RBFOX1: variants seen among roughly 807,000 people sequenced by gnomAD.
The protein encoded by RBFOX1 is RNA binding fox-1 homolog 1, also known as RNA binding protein fox-1 homolog 1.
RBFOX1 carries 8 observed loss-of-function variants against 57.7 expected under a neutral mutation model. The ratio of observed to expected loss-of-function variants is 0.14; its 90% CI spans 0.08 to 0.25. The LOEUF (loss-of-function observed/expected upper bound fraction) is 0.25. Ranked by LOEUF, RBFOX1 falls within the 10% of genes least tolerant of loss-of-function variation. RBFOX1 has a pLI of 1.00. For missense variants in RBFOX1, 611 were observed against 548.5 expected (o/e 1.11, Z -1.14); for synonymous variants, 326 against 222.4 (o/e 1.47, Z -4.15).
At position 7,162,889 on chromosome 16, in the gene RBFOX1, C is replaced by A. The variant is rs1411146180; in HGVS notation, c.27+110791C>A. 2.6e-5 allele frequency among the ~76,000 whole-genome samples: 4 copies of A among 152,174 alleles called. No homozygotes were observed. In the East Asian group the frequency reaches 7.7e-4, roughly 29 times the overall value. The stretch of plus-strand genomic sequence containing the variant: ...CAGTGTGGGGTATTCCCTGGTCCTC[C>A]TTCCAAATGCATGTTGAAATGAAGA... On this transcript the variant is annotated intron_variant, in intron 4 of 15. Coordinates refer to ENST00000550418, the MANE Select transcript of RBFOX1 (RefSeq NM_018723.4).
At chr16:5,886,932 C>T (rs750955043) in intron 4 of RBFOX1, among the ~76,000 whole-genome samples, 2 of 151,454 alleles carry the variant, frequency 1.3e-5, no homozygotes, top group African/African-American at 4.8e-5. Context: ...GTCCTATGAC[C>T]AGTCATTCCC....
intron 4 of RBFOX1, among the ~76,000 whole-genome samples, chr16:7,233,699 A>G (rs1218304415): frequency 6.6e-6 from 1 of 152,216 alleles, no homozygotes; most frequent in Non-Finnish European, 1.5e-5. Flanking sequence ...GGCCCCATGA[A>G]CTTCCAACTC....
chr16:5,581,717 C>G (rs1173406298), intron 2 of RBFOX1, among the ~76,000 whole-genome samples: 1 of 152,096 alleles, frequency 6.6e-6, no homozygotes, highest in Middle Eastern at 3.2e-3. Flanking sequence ...ACAGCTGATG[C>G]AAGGGTCAAA....
At chr16:7,352,208 A>G (rs959574222) in intron 4 of RBFOX1, among the ~76,000 whole-genome samples, 1 of 152,144 alleles carries the variant, frequency 6.6e-6, no homozygotes, top group Non-Finnish European at 1.5e-5. Flanking sequence ...TTTGAGGTGG[A>G]AAACATTTTT....
At chr16:6,981,576 C>T (rs1463694734) in intron 3 of RBFOX1, among the ~76,000 whole-genome samples, 2 of 152,112 alleles carry the variant, frequency 1.3e-5, no homozygotes, top group Admixed American at 1.3e-4. Flanking sequence ...CTGACAGTTC[C>T]ACGTGGCTGG....
At chr16:5,737,017 C>G (rs927255659) in intron 3 of RBFOX1, among the ~76,000 whole-genome samples, 1 of 151,652 alleles carries the variant, frequency 6.6e-6, no homozygotes, top group Non-Finnish European at 1.5e-5. Flanking sequence ...CTCTTTCCCT[C>G]AAGCACCTCC....
At chr16:5,930,181 A>G (rs895389549) in intron 4 of RBFOX1, among the ~76,000 whole-genome samples, 1 of 149,554 alleles carries the variant, frequency 6.7e-6, no homozygotes, top group African/African-American at 2.5e-5. Flanking sequence ...ACTCAACACC[A>G]AATAGCTTAA....
chr16:6,895,237 A>G (rs2066472225), intron 3 of RBFOX1, among the ~76,000 whole-genome samples: 1 of 151,808 alleles, frequency 6.6e-6, no homozygotes, highest in Admixed American at 6.6e-5. Context: ...GACCAAATGT[A>G]TATCCCAAAT....
intron 3 of RBFOX1, among the ~76,000 whole-genome samples, chr16:5,659,149 C>T (rs540986884): frequency 1.3e-5 from 2 of 152,156 alleles, no homozygotes; most frequent in African/African-American, 2.4e-5. Flanking sequence ...TCCCTGTTCA[C>T]CGCATCCATG....
chr16:5,540,791 T>G (rs1037450283), intron 2 of RBFOX1, among the ~76,000 whole-genome samples: 4 of 152,184 alleles, frequency 2.6e-5, no homozygotes, highest in African/African-American at 9.6e-5. Context: ...CTTTTTGGAG[T>G]GCAGAATCTC....
At chr16:6,497,065 G>A (rs969406699) in intron 2 of RBFOX1, among the ~76,000 whole-genome samples, 2 of 152,210 alleles carry the variant, frequency 1.3e-5, no homozygotes, top group African/African-American at 4.8e-5. Context: ...AACCTCTTAG[G>A]TAGCATAAGA....
At chr16:7,396,582 C>A (rs1166865613) in intron 4 of RBFOX1, among the ~76,000 whole-genome samples, 1 of 152,150 alleles carries the variant, frequency 6.6e-6, no homozygotes, top group South Asian at 2.1e-4. Context: ...CTTAACGTTA[C>A]TTTAAGCTCA....
At chr16:5,621,762 C>G (rs1165147455) in intron 3 of RBFOX1, among the ~76,000 whole-genome samples, 1 of 152,232 alleles carries the variant, frequency 6.6e-6, no homozygotes, top group African/African-American at 2.4e-5. Context: ...GTCATTAACT[C>G]CAAAAGGGCA....
At chr16:6,479,597 A>G (rs1382469236) in intron 2 of RBFOX1, among the ~76,000 whole-genome samples, 1 of 152,082 alleles carries the variant, frequency 6.6e-6, no homozygotes, top group African/African-American at 2.4e-5. Flanking sequence ...CAAAAAAGAA[A>G]AAGAAAAGAA....
chr16:6,529,763 C>T (rs1228675987), intron 2 of RBFOX1, among the ~76,000 whole-genome samples: 2 of 151,986 alleles, frequency 1.3e-5, no homozygotes, highest in African/African-American at 4.8e-5. Flanking sequence ...CTACAAAACG[C>T]CAAGTTGTAG....
chr16:6,702,072 G>C (rs974351404), intron 3 of RBFOX1, among the ~76,000 whole-genome samples: 1 of 152,060 alleles, frequency 6.6e-6, no homozygotes. Context: ...TAACAAACCT[G>C]CACATGTACC....
intron 4 of RBFOX1, among the ~76,000 whole-genome samples, chr16:7,301,579 A>T (rs565416463): frequency 9.8e-5 from 15 of 152,322 alleles, no homozygotes; most frequent in African/African-American, 3.1e-4. Flanking sequence ...AGCCAAGAGC[A>T]TTTATTGGGT....
intron 1 of RBFOX1, among the ~76,000 whole-genome samples, chr16:5,279,421 A>G (rs1479404064): frequency 2.6e-5 from 4 of 152,114 alleles, no homozygotes; most frequent in Admixed American, 2.6e-4. Context: ...AGTGGTATAT[A>G]GAAACATTAC....
chr16:7,384,152 G>A (rs2097838188), intron 4 of RBFOX1, among the ~76,000 whole-genome samples: 1 of 151,610 alleles, frequency 6.6e-6, no homozygotes, highest in African/African-American at 2.4e-5. Flanking sequence ...GGAGAGATAT[G>A]TATGCTTATC....
Sources: gnomAD v4.1 joint callset for allele counts (sites outside exome capture counted in the v4.1 genomes callset) on GRCh38, gnomAD v4.1.1 for gene constraint, MANE v1.5 for transcripts, NCBI Gene and HGNC (gene_info 2026-07-23, HGNC 2026-07-21) for gene names.